RGS6: variants seen among roughly 807,000 people sequenced by gnomAD.
The protein encoded by RGS6 is regulator of G-protein signaling 6.
In RGS6, 30 loss-of-function variants were observed where a neutral mutation model predicts 78.5. The observed-to-expected ratio is 0.38, with a 90% CI of 0.29 to 0.52. RGS6 has a LOEUF of 0.52. RGS6 is among the 20% of genes least tolerant of loss of function. The pLI is 0.85. For missense variants in RGS6, 495 were observed against 609.7 expected, an observed-to-expected ratio of 0.81 and a Z score of 1.98; for synonymous variants, 206 against 206.0, an observed-to-expected ratio of 1.00 and a Z score of 0.00.
At chr14:72,027,050 T>A (rs910259006) in intron 2 of RGS6, among the ~76,000 whole-genome samples, 3 of 152,088 alleles carry the variant, frequency 2.0e-5, no homozygotes, top group African/African-American at 7.2e-5. Flanking sequence ...TAGGAGAGGA[T>A]GCCTGCGTGT....
intron 3 of RGS6, among the ~76,000 whole-genome samples, chr14:72,447,722 G>A (rs991856448): frequency 5.3e-5 from 8 of 152,140 alleles, no homozygotes; most frequent in African/African-American, 1.9e-4. Flanking sequence ...TTATTTTTGA[G>A]ACGGAGTTTC....
rs1332704556 is a variant in RGS6, at chr14:72,184,391, C to T, written c.85-167704C>T. 2.6e-5 allele frequency among the ~76,000 whole-genome samples: 4 copies of T among 151,700 alleles called. No homozygotes were observed. The East Asian group carries it at 7.8e-4, about 29-fold the overall frequency. On this transcript the variant is annotated intron_variant, in intron 2 of 17. Transcript: ENST00000553525. The stretch of plus-strand genomic sequence containing the variant: ...TCAAACACACACACACACACACACA[C>T]ACACACACACACACACACACAGAAA...
chr14:71,992,218 A>G (rs1437476670), intron 2 of RGS6, among the ~76,000 whole-genome samples: 2 of 152,154 alleles, frequency 1.3e-5, no homozygotes, highest in African/African-American at 4.8e-5. Context: ...GTTTTAGTAT[A>G]GACAGAGTTT....
At chr14:72,285,907 GTA>G (rs2062454267) in intron 2 of RGS6, among the ~76,000 whole-genome samples, 1 of 152,064 alleles carries the variant, frequency 6.6e-6, no homozygotes, top group Non-Finnish European at 1.5e-5. Context: ...TATCTCTTAG[GTA>G]TTAAACCCTT....
intron 2 of RGS6, among the ~76,000 whole-genome samples, chr14:72,275,923 G>T (rs902382105): frequency 3.3e-5 from 5 of 152,172 alleles, no homozygotes; most frequent in African/African-American, 1.2e-4. Context: ...GCCAGCATCA[G>T]CACAAGGGGA....
At chr14:72,232,556 C>T (rs1462095597) in intron 2 of RGS6, among the ~76,000 whole-genome samples, 1 of 152,234 alleles carries the variant, frequency 6.6e-6, no homozygotes, top group African/African-American at 2.4e-5. Flanking sequence ...ACTCTCTTGC[C>T]TCCATCCTTA....
intron 15 of RGS6, 131 bp downstream of exon 15, chr14:72,518,668 T>G: frequency 1.2e-6 from 1 of 838,874 alleles, no homozygotes; most frequent in Non-Finnish European, 1.8e-6. Context: ...AGTTCATCAG[T>G]GGAAACCATT....
chr14:72,033,953 C>T, intron 2 of RGS6, among the ~76,000 whole-genome samples: 1 of 152,094 alleles, frequency 6.6e-6, no homozygotes, highest in East Asian at 1.9e-4. Context: ...TAGTGGCCAT[C>T]CTAACAGGCA....
chr14:72,137,862 TA>T (rs2153605404), intron 2 of RGS6, among the ~76,000 whole-genome samples: 1 of 152,306 alleles, frequency 6.6e-6, no homozygotes, highest in Non-Finnish European at 1.5e-5. Flanking sequence ...CACAATTGTT[TA>T]AATCATTTAC....
chr14:72,351,879 A>G (rs1033845730), intron 2 of RGS6, among the ~76,000 whole-genome samples: 4 of 152,166 alleles, frequency 2.6e-5, no homozygotes, highest in South Asian at 2.1e-4. Flanking sequence ...GTTCCAGGAC[A>G]TGACTTATGC....
the RGS6 span, chr14:72,619,978 G>A: frequency 6.5e-7 from 1 of 1,534,076 alleles, no homozygotes. Flanking sequence ...CAGAAGAGTA[G>A]CTGGTCCTGG....
intron 12 of RGS6, among the ~76,000 whole-genome samples, chr14:72,482,734 G>T (rs2096406279): frequency 6.6e-6 from 1 of 152,188 alleles, no homozygotes; most frequent in African/African-American, 2.4e-5. Context: ...GAGAACAGAA[G>T]CATGCAAAAC....
In RGS6 at chr14:72,355,106, T is replaced by C. The variant is rs563629133; in HGVS notation, c.184+2912T>C. On this transcript the variant is annotated intron_variant, in intron 3 of 17. Transcript: ENST00000553525. ...ATGAAGTATCTCTCTTTTCTTGATA[T>C]CCTGCTTTTCTTTGAAAAATAATTG... Among the ~76,000 whole-genome samples the C allele has an allele frequency of 2.8e-4, 42 of 152,262 alleles. No homozygotes were observed. The East Asian group carries it at 5.0e-3, about 18-fold the overall frequency.
At position 72,520,986 on chromosome 14, in the gene RGS6, T is replaced by A. The variant is rs182210406; in HGVS notation, c.1278+2449T>A. Among the ~76,000 whole-genome samples the A allele has an allele frequency of 5.9e-5, 9 of 152,326 alleles. No individual in the cohort carries two copies. In the East Asian group the frequency reaches 1.5e-3, roughly 26 times the overall value. On this transcript the variant is annotated intron_variant, in intron 15 of 17. Coordinates refer to ENST00000553525, the MANE Select transcript of RGS6 (RefSeq NM_001204424.2). ...ATTCCTCTTAGTGAGAAATGGTATT[T>A]AGAGACTAAAATCTAGGCACTTAGA...
At chr14:72,534,182 C>A (rs1271971871) in intron 15 of RGS6, among the ~76,000 whole-genome samples, 1 of 152,204 alleles carries the variant, frequency 6.6e-6, no homozygotes, top group Non-Finnish European at 1.5e-5. Context: ...CAAGACAAGA[C>A]CCTCCCCCAG....
intron 1 of RGS6, among the ~76,000 whole-genome samples, chr14:71,949,197 C>G (rs1219195983): frequency 6.6e-6 from 1 of 152,118 alleles, no homozygotes; most frequent in African/African-American, 2.4e-5. Context: ...GACTGGATTG[C>G]TGGGCCATGG....
intron 2 of RGS6, among the ~76,000 whole-genome samples, chr14:72,203,739 GT>G (rs1259329726): frequency 1.3e-5 from 2 of 152,062 alleles, no homozygotes; most frequent in African/African-American, 4.8e-5. Context: ...CACTGGGAAT[GT>G]GGGCAAGGCA....
intron 2 of RGS6, among the ~76,000 whole-genome samples, chr14:71,998,025 C>A (rs184960634): frequency 6.6e-6 from 1 of 152,240 alleles, no homozygotes; most frequent in Non-Finnish European, 1.5e-5. Flanking sequence ...GGCCTGACGA[C>A]GTGCTCAAGC....
chr14:72,089,637 GA>G (rs1567181727), intron 2 of RGS6, among the ~76,000 whole-genome samples: 2 of 151,152 alleles, frequency 1.3e-5, no homozygotes, highest in South Asian at 2.1e-4. Flanking sequence ...ATGGTTTATG[GA>G]AAAAAAAATA....
Sources: allele counts gnomAD v4.1 joint callset (sites outside exome capture counted in the v4.1 genomes callset), GRCh38; gene constraint gnomAD v4.1.1; transcripts MANE v1.5; gene names NCBI Gene and HGNC (gene_info 2026-07-23, HGNC 2026-07-21).